IMMP2L: variants seen among roughly 807,000 people sequenced by gnomAD.
IMMP2L encodes inner mitochondrial membrane peptidase subunit 2, also known as mitochondrial inner membrane protease subunit 2.
Under a neutral mutation model 19.3 loss-of-function variants are expected in IMMP2L, and 18 were observed. The observed-to-expected ratio is 0.93, with a 90% CI of 0.64 to 1.38. The LOEUF (loss-of-function observed/expected upper bound fraction) is 1.38. Ranked by LOEUF, IMMP2L falls within the 40% of genes most tolerant of loss-of-function variation. The pLI is 0.00. For missense variants in IMMP2L, 233 were observed against 218.2 expected, an observed-to-expected ratio of 1.07 and a Z score of -0.43; for synonymous variants, 76 against 73.0, an observed-to-expected ratio of 1.04 and a Z score of -0.21.
At chr7:110,807,485 C>A (rs967741817) in intron 5 of IMMP2L, among the ~76,000 whole-genome samples, 14 of 152,082 alleles carry the variant, frequency 9.2e-5, no homozygotes, top group African/African-American at 3.1e-4. Context: ...TTCATTTGTA[C>A]CTTTTCTCTA....
At chr7:110,929,378 C>T (rs948520264) in intron 4 of IMMP2L, among the ~76,000 whole-genome samples, 1 of 152,162 alleles carries the variant, frequency 6.6e-6, no homozygotes, top group Non-Finnish European at 1.5e-5. Flanking sequence ...AAAGTAAGGT[C>T]TCCTATGATC....
At chr7:111,299,865 C>T (rs534146238) in intron 3 of IMMP2L, among the ~76,000 whole-genome samples, 14 of 151,902 alleles carry the variant, frequency 9.2e-5, no homozygotes, top group African/African-American at 2.4e-4. Flanking sequence ...AAAGGACTAA[C>T]GGCAATATAC....
At chr7:111,428,846 ATT>A (rs1231686584) in intron 3 of IMMP2L, among the ~76,000 whole-genome samples, 2 of 151,910 alleles carry the variant, frequency 1.3e-5, no homozygotes, top group Non-Finnish European at 2.9e-5. Context: ...GCCGTGAATC[ATT>A]CTTTCATTTT....
At chr7:111,050,131 A>G (rs1792860963) in intron 3 of IMMP2L, among the ~76,000 whole-genome samples, 1 of 152,230 alleles carries the variant, frequency 6.6e-6, no homozygotes. Flanking sequence ...AATGAAGTAT[A>G]TAATAGGCAT....
intron 5 of IMMP2L, among the ~76,000 whole-genome samples, chr7:110,677,729 A>C (rs539435258): frequency 6.7e-6 from 1 of 149,876 alleles, no homozygotes; most frequent in South Asian, 2.3e-4. Context: ...TTGGTGAGGC[A>C]AAAAGGATAA....
At chr7:111,469,248 G>A (rs1020116474) in intron 3 of IMMP2L, among the ~76,000 whole-genome samples, 2 of 151,938 alleles carry the variant, frequency 1.3e-5, no homozygotes, top group African/African-American at 4.8e-5. Context: ...GCTCTTTTTT[G>A]GTTCCATATG....
At chr7:110,840,354 A>C (rs1804946025) in intron 5 of IMMP2L, among the ~76,000 whole-genome samples, 1 of 152,150 alleles carries the variant, frequency 6.6e-6, no homozygotes, top group African/African-American at 2.4e-5. Flanking sequence ...TCCTTCTGGA[A>C]TCCTGACCCA....
Position 110,663,596 on chromosome 7 carries a change from A to G in IMMP2L, c.*6T>C, listed in dbSNP as rs772769671. 2.5e-6 allele frequency: 4 copies of G among 1,613,340 alleles called. No individual in the cohort carries two copies. In the Admixed American group the frequency reaches 6.7e-5, roughly 27 times the overall value. On this transcript the variant is annotated 3_prime_UTR_variant, in exon 6 of 6. Transcript: ENST00000405709. ...CAATGCCAGCAACTCAGGTAGATTC[A>G]TGCAGTCATTCCTCTTCTCTCTGTA...
intron 3 of IMMP2L, among the ~76,000 whole-genome samples, chr7:111,292,249 C>T (rs541569710): frequency 1.1e-4 from 17 of 152,228 alleles, no homozygotes; most frequent in African/African-American, 3.9e-4. Flanking sequence ...CATCACATAG[C>T]AGATTTCTCA....
intron 4 of IMMP2L, among the ~76,000 whole-genome samples, chr7:110,892,775 A>C (rs1254335662): frequency 6.6e-6 from 1 of 152,198 alleles, no homozygotes; most frequent in South Asian, 2.1e-4. Flanking sequence ...ATTGGGGTAT[A>C]ATTTACATGA....
intron 3 of IMMP2L, among the ~76,000 whole-genome samples, chr7:111,172,693 A>G (rs1444924145): frequency 6.6e-6 from 1 of 151,388 alleles, no homozygotes; most frequent in Middle Eastern, 3.4e-3. Context: ...TCTACTCTCT[A>G]TTTCTATGAG....
chr7:111,428,253 T>C (rs1043660660), intron 3 of IMMP2L, among the ~76,000 whole-genome samples: 3 of 151,774 alleles, frequency 2.0e-5, no homozygotes, highest in African/African-American at 7.3e-5. Context: ...GTCTTCTTTG[T>C]CTAAAAAATA....
chr7:111,207,288 T>C (rs892327353), intron 3 of IMMP2L, among the ~76,000 whole-genome samples: 14 of 152,178 alleles, frequency 9.2e-5, no homozygotes, highest in Non-Finnish European at 1.5e-4. Context: ...AGTTTCCTCA[T>C]AGAAACTAAC....
intron 5 of IMMP2L, among the ~76,000 whole-genome samples, chr7:110,846,349 T>TC (rs1491132860): frequency 3.5e-5 from 4 of 115,272 alleles, no homozygotes; most frequent in Non-Finnish European, 5.4e-5. Context: ...CCCTGATTTC[T>TC]TTTTTTTTTT....
chr7:111,075,019 T>C (rs1035077593), intron 3 of IMMP2L, among the ~76,000 whole-genome samples: 1 of 150,958 alleles, frequency 6.6e-6, no homozygotes, highest in Admixed American at 6.6e-5. Flanking sequence ...AGCAAGAAAG[T>C]GGAGAGAAGG....
intron 3 of IMMP2L, among the ~76,000 whole-genome samples, chr7:111,134,012 A>T (rs1802092426): frequency 6.6e-6 from 1 of 152,104 alleles, no homozygotes; most frequent in Non-Finnish European, 1.5e-5. Context: ...TAAAGGAAAG[A>T]GAGCCTAAGT....
intron 3 of IMMP2L, among the ~76,000 whole-genome samples, chr7:111,381,464 T>A (rs1415433702): frequency 6.6e-6 from 1 of 152,012 alleles, no homozygotes; most frequent in African/African-American, 2.4e-5. Flanking sequence ...TTATAATCAA[T>A]ACCACCTGTT....
chr7:111,401,725 C>T (rs1322615978), intron 3 of IMMP2L, among the ~76,000 whole-genome samples: 1 of 152,096 alleles, frequency 6.6e-6, no homozygotes, highest in Non-Finnish European at 1.5e-5. Flanking sequence ...AGCAATTCAA[C>T]TGGTAAACCA....
At chr7:110,745,356 A>C (rs1291840760) in intron 5 of IMMP2L, among the ~76,000 whole-genome samples, 1 of 152,184 alleles carries the variant, frequency 6.6e-6, no homozygotes, top group Non-Finnish European at 1.5e-5. Flanking sequence ...AACTTCCCCA[A>C]CCTAGCAAGG....
Sources: gnomAD v4.1 joint callset for allele counts (sites outside exome capture counted in the v4.1 genomes callset) on GRCh38, gnomAD v4.1.1 for gene constraint, MANE v1.5 for transcripts, NCBI Gene and HGNC (gene_info 2026-07-23, HGNC 2026-07-21) for gene names.